The following TTLL9 variants were observed in gnomAD, a reference collection of about 807,000 sequenced individuals.
The protein encoded by TTLL9 is tubulin tyrosine ligase like 9.
Under a neutral mutation model 65.6 loss-of-function variants are expected in TTLL9, and 47 were observed. The observed-to-expected ratio is 0.72, with a 90% CI of 0.57 to 0.91. The LOEUF is 0.91. Ranked by LOEUF, TTLL9 falls within the 40% of genes least tolerant of loss-of-function variation. TTLL9 has a pLI of 0.00. For missense variants in TTLL9, 537 were observed against 568.8 expected (o/e 0.94, Z 0.57); for synonymous variants, 179 against 204.8 (o/e 0.87, Z 1.07).
chr20:31,872,594 C>T (rs1164849959), intron 2 of TTLL9, among the ~76,000 whole-genome samples: 7 of 151,564 alleles, frequency 4.6e-5, no homozygotes, highest in South Asian at 2.1e-4. Flanking sequence ...TGAGCCCAGG[C>T]GGAGGAGGAT....
intron 7 of TTLL9, among the ~76,000 whole-genome samples, chr20:31,921,878 C>T (rs1012482419): frequency 1.3e-5 from 2 of 151,962 alleles, no homozygotes; most frequent in African/African-American, 2.4e-5. Context: ...ATGTAAATGA[C>T]GAGTTAATGG....
At chr20:31,940,126 C>A (rs1490975953) in intron 14 of TTLL9, 1 of 152,030 alleles carries the variant, frequency 6.6e-6, no homozygotes, top group Non-Finnish European at 1.5e-5. Flanking sequence ...TTCCTAGAAG[C>A]AGAATTATTG....
At chr20:31,914,629 G>C (rs1474151678) in intron 6 of TTLL9, among the ~76,000 whole-genome samples, 12 of 152,232 alleles carry the variant, frequency 7.9e-5, no homozygotes, top group African/African-American at 2.9e-4. Flanking sequence ...AGCAGGTGAG[G>C]CTGGGAGAGA....
At chr20:31,906,288 T>C (rs2063558561) in intron 4 of TTLL9, among the ~76,000 whole-genome samples, 1 of 152,172 alleles carries the variant, frequency 6.6e-6, no homozygotes, top group African/African-American at 2.4e-5. Flanking sequence ...GGTCACCTGG[T>C]GGCAGGAGTT....
intron 2 of TTLL9, chr20:31,879,860 T>C (rs1400883840): frequency 6.5e-7 from 1 of 1,550,258 alleles, no homozygotes; most frequent in Non-Finnish European, 8.7e-7. Flanking sequence ...GCGGTTTGGA[T>C]CTGGCCCCTG....
At chr20:31,941,783 C>T (rs1036742052) in intron 14 of TTLL9, among the ~76,000 whole-genome samples, 1 of 152,074 alleles carries the variant, frequency 6.6e-6, no homozygotes, top group African/African-American at 2.4e-5. Flanking sequence ...ACTATATTGA[C>T]CAGGCTGGGA....
At chr20:31,895,241 T>C (rs1307446069) in intron 3 of TTLL9, among the ~76,000 whole-genome samples, 1 of 152,190 alleles carries the variant, frequency 6.6e-6, no homozygotes, top group Non-Finnish European at 1.5e-5. Flanking sequence ...CTAGCAGTGT[T>C]TTTTATGAGA....
intron 3 of TTLL9, among the ~76,000 whole-genome samples, chr20:31,896,520 GT>G (rs201821958): frequency 1.3e-5 from 2 of 150,204 alleles, no homozygotes; most frequent in African/African-American, 5.0e-5. Flanking sequence ...TGATTACATT[GT>G]TTTTTTTGTT....
intron 2 of TTLL9, among the ~76,000 whole-genome samples, chr20:31,882,261 A>G (rs1335225025): frequency 4.6e-5 from 7 of 152,198 alleles, no homozygotes; most frequent in African/African-American, 1.7e-4. Flanking sequence ...GCTAAGGGGA[A>G]ATGAGGAATT....
At chr20:31,903,795 A>C (rs1263310631) in intron 4 of TTLL9, among the ~76,000 whole-genome samples, 1 of 152,240 alleles carries the variant, frequency 6.6e-6, no homozygotes, top group Non-Finnish European at 1.5e-5. Flanking sequence ...TTAGCAGCTT[A>C]TGTAATCACA....
At chr20:31,892,154 A>G (rs1006321255) in intron 3 of TTLL9, among the ~76,000 whole-genome samples, 3 of 151,106 alleles carry the variant, frequency 2.0e-5, no homozygotes, top group Non-Finnish European at 1.5e-5. Context: ...AAGCAAAAAA[A>G]TACTCATTAC....
intron 10 of TTLL9, among the ~76,000 whole-genome samples, chr20:31,932,363 T>C (rs745348528): frequency 9.9e-5 from 15 of 151,134 alleles, no homozygotes; most frequent in Non-Finnish European, 2.1e-4. Flanking sequence ...TCCCACCTAC[T>C]TGGGAGGCTT....
chr20:31,909,627 T>C, intron 5 of TTLL9, 110 bp from the exon 6 acceptor site: 1 of 940,598 alleles, frequency 1.1e-6, no homozygotes, highest in Non-Finnish European at 1.6e-6. Context: ...TGTTGCTATT[T>C]TGTGGGCCAG....
At chr20:31,893,965 T>C (rs1165039250) in intron 3 of TTLL9, among the ~76,000 whole-genome samples, 2 of 152,144 alleles carry the variant, frequency 1.3e-5, no homozygotes, top group Non-Finnish European at 2.9e-5. Context: ...CTAATTCAAT[T>C]TGAACAATTT....
intron 2 of TTLL9, among the ~76,000 whole-genome samples, chr20:31,873,684 G>GAGAGAGAGAGAAAGAAAGAA (rs1364633891): frequency 9.9e-6 from 1 of 100,512 alleles, no homozygotes; most frequent in African/African-American, 4.0e-5. Flanking sequence ...AAGAGAGAGA[G>GAGAGAGAGAGAAAGAAAGAA]AGAAAGAAAG....
At chr20:31,891,119 A>AT (rs2063302500) in intron 3 of TTLL9, among the ~76,000 whole-genome samples, 1 of 152,202 alleles carries the variant, frequency 6.6e-6, no homozygotes, top group African/African-American at 2.4e-5. Flanking sequence ...TGCATATTCG[A>AT]CTTTACTAAA....
Position 31,938,518 on chromosome 20 carries a change from A to G in TTLL9, c.1119-624A>G, listed in dbSNP as rs116800950. Among the ~76,000 whole-genome samples, 316 of 152,322 alleles carry G rather than the reference A, an allele frequency of 2.1e-3. 2 individuals are homozygous for G. Among genetic ancestry groups the G allele is most frequent in the African/African-American group, 7.1e-3 (295 of 41,584 alleles). ...ACCCTGCGGACACAGTAAGGAACAC[A>G]ACAGAACTAGTCCCTGCCTTTATGG... On this transcript the variant is annotated intron_variant, in intron 13 of 14. Transcript: ENST00000535842.
chr20:31,881,202 A>G (rs776150805), intron 2 of TTLL9, among the ~76,000 whole-genome samples: 3 of 152,210 alleles, frequency 2.0e-5, no homozygotes, highest in Non-Finnish European at 4.4e-5. Flanking sequence ...ACAACAAAAA[A>G]TGAGTTTATC....
chr20:31,933,752 G>A (rs760950242), intron 10 of TTLL9, 48 bp from the exon 11 acceptor site: 16 of 1,593,278 alleles, frequency 1.0e-5, no homozygotes, highest in Middle Eastern at 1.7e-4. Context: ...GTGGGGCAGA[G>A]CTCACCCTTT....
Sources: gnomAD v4.1 joint callset for allele counts (sites outside exome capture counted in the v4.1 genomes callset) on GRCh38, gnomAD v4.1.1 for gene constraint, MANE v1.5 for transcripts, NCBI Gene and HGNC (gene_info 2026-07-23, HGNC 2026-07-21) for gene names.